Variants in MEF2B observed in about 807,000 individuals in gnomAD.
MEF2B encodes myocyte enhancer factor 2B.
A neutral mutation model predicts 32.2 loss-of-function variants in MEF2B; 15 were observed. The ratio of observed to expected loss-of-function variants is 0.47; its 90% confidence interval spans 0.31 to 0.72. The LOEUF (loss-of-function observed/expected upper bound fraction) is 0.72, where lower values mean the gene tolerates loss of function less well. MEF2B is among the 30% of genes least tolerant of loss of function. The pLI, the probability that MEF2B is intolerant of heterozygous loss-of-function variation, is 0.05. For missense variants in MEF2B, 441 were observed against 511.5 expected, an observed-to-expected ratio of 0.86 and a Z score of 1.33; for synonymous variants, 205 against 225.6, an observed-to-expected ratio of 0.91 and a Z score of 0.82.
chr19:19,146,654 C>A lies in MEF2B; in HGVS notation c.676-6G>T. On this transcript the variant is annotated splice_polypyrimidine_tract_variant and splice_region_variant and intron_variant, in intron 6 of 8. Transcript: ENST00000424583. ...AGGCCACTGTAGAGGCTTCTCTGTG[C>A]GGAGAGAGGGTGAAGGGGAAACTGA... 6.2e-7 allele frequency: 1 copy of A among 1,613,238 alleles called. No homozygotes were observed. Among genetic ancestry groups the A allele is most frequent in the African/African-American group, 1.3e-5 (1 of 74,966 alleles).
At chr19:19,160,029 C>T (rs914847151) in intron 1 of MEF2B, among the ~76,000 whole-genome samples, 7 of 146,426 alleles carry the variant, frequency 4.8e-5, no homozygotes, top group Admixed American at 1.4e-4. Flanking sequence ...AGTGCAGTGG[C>T]GTGATCTCGG....
At chr19:19,162,738 C>A (rs966941603) in intron 1 of MEF2B, among the ~76,000 whole-genome samples, 2 of 152,158 alleles carry the variant, frequency 1.3e-5, no homozygotes, top group Non-Finnish European at 2.9e-5. Context: ...GACGCCCCCT[C>A]TACTTCACTC....
intron 1 of MEF2B, among the ~76,000 whole-genome samples, chr19:19,167,577 C>T (rs2060219733): frequency 6.6e-6 from 1 of 152,076 alleles, no homozygotes; most frequent in Non-Finnish European, 1.5e-5. Context: ...GGCCAAACAC[C>T]CAACATGTCT....
chr19:19,163,767 C>CCTCA (rs566035470), intron 1 of MEF2B, among the ~76,000 whole-genome samples: 192 of 152,284 alleles, frequency 1.3e-3, no homozygotes, highest in Middle Eastern at 0.01. Context: ...CAATCTCTTG[C>CCTCA]CTCAGCCTCC....
intron 2 of MEF2B, among the ~76,000 whole-genome samples, 147 bp downstream of exon 2, chr19:19,150,523 CAAAAAAAAAAAA>C (rs67741867): frequency 9.7e-6 from 1 of 103,404 alleles, no homozygotes; most frequent in Admixed American, 9.9e-5. Context: ...GACTTCATCT[CAAAAAAAAAAAA>C]AAAAAAAAGA....
intron 1 of MEF2B, among the ~76,000 whole-genome samples, chr19:19,159,304 C>G (rs2060142541): frequency 6.6e-6 from 1 of 150,852 alleles, no homozygotes; most frequent in African/African-American, 2.4e-5. Flanking sequence ...GCCTGTAGTC[C>G]CAGCTACTTG....
intron 1 of MEF2B, among the ~76,000 whole-genome samples, chr19:19,160,826 G>A (rs2060155861): frequency 6.6e-6 from 1 of 152,084 alleles, no homozygotes; most frequent in East Asian, 1.9e-4. Context: ...CCTCTCCTGG[G>A]GGCTCCAGCG....
chr19:19,147,981 C>G, intron 3 of MEF2B, 149 bp from the exon 4 acceptor site: 1 of 1,361,842 alleles, frequency 7.3e-7, no homozygotes, highest in Non-Finnish European at 9.7e-7. Context: ...ACCCCACTGA[C>G]CAAACCCCGG....
At chr19:19,157,077 G>A in intron 1 of MEF2B, 1 of 252,926 alleles carries the variant, frequency 4.0e-6, no homozygotes, top group Non-Finnish European at 8.7e-6. Flanking sequence ...GTGAGCCCAG[G>A]AGTTCAAGGT....
At chr19:19,159,893 C>T (rs1373623353) in intron 1 of MEF2B, among the ~76,000 whole-genome samples, 1 of 151,744 alleles carries the variant, frequency 6.6e-6, no homozygotes, top group African/African-American at 2.4e-5. Flanking sequence ...ACTCAGTTCT[C>T]TTACCTGTTA....
intron 1 of MEF2B, among the ~76,000 whole-genome samples, chr19:19,168,674 G>T (rs2060229223): frequency 6.6e-6 from 1 of 151,432 alleles, no homozygotes. Flanking sequence ...GCTCACTGCA[G>T]ACTCGAACTC....
intron 1 of MEF2B, among the ~76,000 whole-genome samples, chr19:19,164,831 C>T (rs767614490): frequency 1.3e-5 from 2 of 152,182 alleles, no homozygotes; most frequent in Non-Finnish European, 2.9e-5. Flanking sequence ...GTCTAAGGCC[C>T]TCTCAGGCCC....
chr19:19,145,703 G>A lies in MEF2B; in HGVS notation c.*94C>T. The A allele has an allele frequency of 6.4e-7, 1 of 1,554,508 alleles. No individual in the cohort carries two copies. The highest frequency in any genetic ancestry group is 1.2e-5 in the South Asian group (1 of 84,382). On this transcript the variant is annotated 3_prime_UTR_variant, in exon 9 of 9. Transcript: ENST00000424583. This position sits in a 1 kb window ranked among gnomAD's most constrained non-coding sequence, Gnocchi z 4.6. Reference sequence around the variant, plus strand: ...ACCGCGGAGGGGGGCGTCACTGTTGGGTCTTCTCTGAAGAGGCCTGGAGGG... The same window carrying A: ...ACCGCGGAGGGGGGCGTCACTGTTGAGTCTTCTCTGAAGAGGCCTGGAGGG...
intron 1 of MEF2B, among the ~76,000 whole-genome samples, chr19:19,157,721 G>A (rs1261428350): frequency 1.3e-5 from 2 of 152,204 alleles, no homozygotes; most frequent in Non-Finnish European, 2.9e-5. Flanking sequence ...GCTGGCATGT[G>A]CCTGTAATCC....
In MEF2B at chr19:19,150,680, A is replaced by G. The variant is rs759743106; in HGVS notation, c.54+2T>C. ...AGCCACTGTTCCACCCAGTGAACTC[A>G]CCTGCCGATTCCTTTGGTCCAGGAT... On this transcript the variant is annotated splice_donor_variant, in intron 2 of 8. Coordinates refer to ENST00000424583, the MANE Select transcript of MEF2B (RefSeq NM_001145785.2). LOFTEE classifies it high-confidence loss of function. 6.2e-7 allele frequency: 1 copy of G among 1,613,650 alleles called. No individual in the cohort carries two copies. The highest frequency in any genetic ancestry group is 2.2e-5 in the East Asian group (1 of 44,846).
At chr19:19,165,272 C>T (rs1373947200) in intron 1 of MEF2B, among the ~76,000 whole-genome samples, 1 of 151,978 alleles carries the variant, frequency 6.6e-6, no homozygotes, top group Non-Finnish European at 1.5e-5. Context: ...TGGAGGGTGG[C>T]AGGGAGAGAG....
At chr19:19,165,375 G>A (rs149189893) in intron 1 of MEF2B, among the ~76,000 whole-genome samples, 11 of 152,190 alleles carry the variant, frequency 7.2e-5, no homozygotes, top group African/African-American at 1.7e-4. Flanking sequence ...CCCGGGAGGC[G>A]GAGATTGCAG....
chr19:19,153,717 A>G (rs2060100591), intron 1 of MEF2B, among the ~76,000 whole-genome samples: 2 of 151,884 alleles, frequency 1.3e-5, no homozygotes, highest in African/African-American at 4.8e-5. Context: ...TTGGCCTCCT[A>G]AAGTGCTGAG....
intron 1 of MEF2B, among the ~76,000 whole-genome samples, chr19:19,163,392 C>T (rs918690341): frequency 3.9e-5 from 6 of 152,052 alleles, no homozygotes; most frequent in South Asian, 2.1e-4. Flanking sequence ...TCAAGTGATC[C>T]TGCTGCCTCG....
Sources: gnomAD v4.1 joint callset for allele counts (sites outside exome capture counted in the v4.1 genomes callset) on GRCh38, gnomAD v4.1.1 for gene constraint, Gnocchi (gnomAD v3.1) non-coding constraint, MANE v1.5 for transcripts, NCBI Gene and HGNC (gene_info 2026-07-23, HGNC 2026-07-21) for gene names.